The following PARD6G variants were observed in gnomAD, a reference collection of about 807,000 sequenced individuals.
PARD6G encodes the protein par-6 family cell polarity regulator gamma.
Under a neutral mutation model 10.7 loss-of-function variants are expected in PARD6G, and 7 were observed. The observed-to-expected ratio is 0.66, with a 90% CI of 0.37 to 1.23. The LOEUF is 1.23. Among genes scored for constraint, PARD6G ranks in the 50% most tolerant of loss-of-function variants. PARD6G has a pLI of 0.02. For missense variants in PARD6G, 548 were observed against 571.8 expected, an observed-to-expected ratio of 0.96 and a Z score of 0.42; for synonymous variants, 287 against 269.4, an observed-to-expected ratio of 1.07 and a Z score of -0.64.
In PARD6G at chr18:80,205,211, G is replaced by A. The variant is rs1163391538; in HGVS notation, c.73-2279C>T. ...CTCTCCCCGTTATTCAAGGGGAAACGTTCACCCAAGGATGACACTGGTACA... is the reference window on the plus strand; with the variant it reads ...CTCTCCCCGTTATTCAAGGGGAAACATTCACCCAAGGATGACACTGGTACA... On this transcript the variant is annotated intron_variant, in intron 1 of 2. Coordinates refer to ENST00000353265, the MANE Select transcript of PARD6G (RefSeq NM_032510.4). Among the ~76,000 whole-genome samples the A allele has an allele frequency of 4.6e-5, 7 of 152,112 alleles. No individual in the cohort carries two copies. The South Asian group carries it at 1.2e-3, about 27-fold the overall frequency.
At chr18:80,207,844 C>T (rs917640187) in intron 1 of PARD6G, among the ~76,000 whole-genome samples, 5 of 151,868 alleles carry the variant, frequency 3.3e-5, no homozygotes, top group African/African-American at 4.8e-5. Context: ...ACAGGGGTAA[C>T]GAAGCATAAG....
rs1400980318 is a variant in PARD6G, at chr18:80,202,853, T to C, written c.152A>G (p.His51Arg). Residue 51 changes from histidine (H) to arginine (R), a missense_variant, in exon 2 of 3, where the codon CAC becomes CGC. Around this residue, in one of 2 missense-constraint regions of PARD6G, gnomAD observed 235 missense variants for 291.9 expected, o/e 0.81. Transcript: ENST00000353265. ...ATCACTGTTGGAGATATGGTGGGTG[T>C]GCACAACCAGCTTGTAGAAATCTTC... ...KFEDFYKLVV[H>R]THHISNSDVT... 18 of 1,609,828 alleles carry C rather than the reference T, an allele frequency of 1.1e-5. No homozygotes were observed. Among genetic ancestry groups the C allele is most frequent in the Non-Finnish European group, 1.4e-5 (17 of 1,179,304 alleles).
At position 80,231,520 on chromosome 18, in the gene PARD6G, G is replaced by A. The variant is rs1362551318; in HGVS notation, c.72+15757C>T. On this transcript the variant is annotated intron_variant, in intron 1 of 2. Transcript: ENST00000353265. This position sits in a 1 kb window ranked among gnomAD's most constrained non-coding sequence, Gnocchi z 4.2. The stretch of plus-strand genomic sequence containing the variant: ...ACAGACAACATAGCAAAGCTGCAAA[G>A]AGCCAGGCTCTGAGTGGACACACCT... Among the ~76,000 whole-genome samples the A allele has an allele frequency of 6.6e-6, 1 of 152,182 alleles. No homozygotes were observed. The highest frequency in any genetic ancestry group is 2.4e-5 in the African/African-American group (1 of 41,436).
At chr18:80,177,341 C>A (rs2052818737) in intron 2 of PARD6G, among the ~76,000 whole-genome samples, 1 of 142,498 alleles carries the variant, frequency 7.0e-6, no homozygotes. Context: ...CACACACACA[C>A]ATACACACAC....
At chr18:80,215,263 T>A (rs1377307312) in intron 1 of PARD6G, among the ~76,000 whole-genome samples, 1 of 152,174 alleles carries the variant, frequency 6.6e-6, no homozygotes, top group African/African-American at 2.4e-5. Flanking sequence ...GCCTCCTCTT[T>A]CAGGCTGAAA....
At chr18:80,186,402 T>C (rs1332761464) in intron 2 of PARD6G, among the ~76,000 whole-genome samples, 4 of 107,240 alleles carry the variant, frequency 3.7e-5, no homozygotes, top group African/African-American at 8.4e-5. Flanking sequence ...CACACATGCA[T>C]GCACCCTCAC....
At chr18:80,226,610 A>G (rs1967296198) in intron 1 of PARD6G, among the ~76,000 whole-genome samples, 1 of 152,188 alleles carries the variant, frequency 6.6e-6, no homozygotes, top group Non-Finnish European at 1.5e-5. Flanking sequence ...ATATTTTGAA[A>G]ACAGTCTTTT....
chr18:80,202,535 A>G, intron 2 of PARD6G, 175 bp downstream of exon 2: 2 of 574,440 alleles, frequency 3.5e-6, no homozygotes, highest in Non-Finnish European at 6.2e-6. Context: ...AAAGTAGAAA[A>G]CACAGTTTAG....
rs921382799 is a variant in PARD6G at position 80,184,264 on chromosome 18, A to G, written c.295+18446T>C. 6.6e-6 allele frequency: 1 copy of G among 152,206 alleles called. No homozygotes were observed. The highest frequency in any genetic ancestry group is 2.4e-5 in the African/African-American group (1 of 41,428). 9.4% of individuals were successfully genotyped at this position (152,206 alleles called of 1,614,324 possible). ...GCACTGATGGTCCTAGGGCAACTCTATGTTGACGCCTCTGAGGAACTGCCG... is the reference window on the plus strand; with the variant it reads ...GCACTGATGGTCCTAGGGCAACTCTGTGTTGACGCCTCTGAGGAACTGCCG... On this transcript the variant is annotated intron_variant, in intron 2 of 2. Transcript: ENST00000353265. This position sits in a 1 kb window ranked among gnomAD's most constrained non-coding sequence, Gnocchi z 4.5.
At chr18:80,209,128 A>C (rs72980353) in intron 1 of PARD6G, among the ~76,000 whole-genome samples, 43,625 of 151,664 alleles carry the variant, frequency 0.29, 7,492 homozygotes, top group Non-Finnish European at 0.4. Context: ...AACAAACAAA[A>C]AAAAAAAACA....
Position 80,228,713 on chromosome 18 carries a change from C to T in PARD6G, c.72+18564G>A, listed in dbSNP as rs1181143526. 6.6e-6 allele frequency among the ~76,000 whole-genome samples: 1 copy of T among 152,052 alleles called. No homozygotes were observed. Among genetic ancestry groups the T allele is most frequent in the Non-Finnish European group, 1.5e-5 (1 of 67,986 alleles). Reference sequence around the variant, plus strand: ...GCCTCCCACCTAAGGCCCTTCTCCACCAAAGACCTGCCTCACACCCCCAGG... The same window carrying T: ...GCCTCCCACCTAAGGCCCTTCTCCATCAAAGACCTGCCTCACACCCCCAGG... On this transcript the variant is annotated intron_variant, in intron 1 of 2. Coordinates refer to ENST00000353265, the MANE Select transcript of PARD6G (RefSeq NM_032510.4). The surrounding 1 kb of genome is among the most constrained non-coding windows in gnomAD (Gnocchi z 4.6).
chr18:80,235,051 A>G (rs1967403870), intron 1 of PARD6G, among the ~76,000 whole-genome samples: 1 of 152,242 alleles, frequency 6.6e-6, no homozygotes, highest in Non-Finnish European at 1.5e-5. Context: ...TCAACAGAAT[A>G]TACATTCTTC....
chr18:80,204,774 C>A (rs58012596), intron 1 of PARD6G, among the ~76,000 whole-genome samples: 1 of 151,828 alleles, frequency 6.6e-6, no homozygotes, highest in South Asian at 2.1e-4. Context: ...CATGGTGAAA[C>A]CCCATCTCTA....
rs1450550993 is a variant in PARD6G at position 80,177,580 on chromosome 18, G to A, written c.296-16974C>T. ...ATAAATCACAGCCCAAATGGAAAGC[G>A]CACACACACATGCATACACACAAAC... On this transcript the variant is annotated intron_variant, in intron 2 of 2. Transcript: ENST00000353265. Among the ~76,000 whole-genome samples the A allele has an allele frequency of 5.4e-5, 8 of 146,956 alleles. No individual in the cohort carries two copies. The South Asian group carries it at 6.6e-4, about 12-fold the overall frequency.
intron 1 of PARD6G, among the ~76,000 whole-genome samples, chr18:80,229,644 G>A (rs1030997891): frequency 1.6e-4 from 25 of 152,206 alleles, no homozygotes; most frequent in African/African-American, 5.1e-4. Context: ...ACCTGTCTTC[G>A]TGTAGCTGAT....
intron 2 of PARD6G, among the ~76,000 whole-genome samples, chr18:80,178,600 TG>T (rs1419693856): frequency 2.0e-5 from 3 of 152,230 alleles, no homozygotes; most frequent in Admixed American, 6.5e-5. Flanking sequence ...CATGGCACTT[TG>T]GTAAAACCAT....
Position 80,182,866 on chromosome 18 carries a change from T to C in PARD6G, c.295+19844A>G, listed in dbSNP as rs1280698580. On this transcript the variant is annotated intron_variant, in intron 2 of 2. Coordinates refer to ENST00000353265, the MANE Select transcript of PARD6G (RefSeq NM_032510.4). This position sits in a 1 kb window ranked among gnomAD's most constrained non-coding sequence, Gnocchi z 4.5. The stretch of plus-strand genomic sequence containing the variant: ...CAGAGAACTTTTAAATCTGATGTTA[T>C]AGTTTTATTTCTTAGTTCTAGGTAC... 13 of 466,262 alleles carry C rather than the reference T, an allele frequency of 2.8e-5. No individual in the cohort carries two copies. Among genetic ancestry groups the C allele is most frequent in the Non-Finnish European group, 4.5e-5 (12 of 263,976 alleles). 28.9% of individuals were successfully genotyped at this position (466,262 alleles called of 1,614,324 possible).
chr18:80,222,128 A>G (rs1967237694), intron 1 of PARD6G, among the ~76,000 whole-genome samples: 1 of 152,058 alleles, frequency 6.6e-6, no homozygotes, highest in African/African-American at 2.4e-5. Flanking sequence ...TCTGTCACCC[A>G]GGCTGGAGTG....
intron 1 of PARD6G, among the ~76,000 whole-genome samples, chr18:80,204,553 G>A (rs893899584): frequency 2.0e-5 from 3 of 151,432 alleles, no homozygotes; most frequent in Non-Finnish European, 1.5e-5. Context: ...ACTTCCCCCA[G>A]GTTACCAAAA....
Sources: allele counts gnomAD v4.1 joint callset (sites outside exome capture counted in the v4.1 genomes callset), GRCh38; gene constraint gnomAD v4.1.1; regional missense constraint gnomAD v4.1.1; non-coding constraint Gnocchi (gnomAD v3.1); transcripts MANE v1.5; gene names NCBI Gene and HGNC (gene_info 2026-07-23, HGNC 2026-07-21).